Variants in C5 observed in about 807,000 individuals in gnomAD.
C5 encodes C3 and PZP-like alpha-2-macroglobulin domain-containing protein 4.
Under a neutral mutation model 218.8 loss-of-function variants are expected in C5, and 140 were observed. The ratio of observed to expected loss-of-function variants is 0.64; its 90% CI spans 0.56 to 0.74. The LOEUF is 0.74. C5 is among the 30% of genes least tolerant of loss of function. The probability of loss-of-function intolerance (pLI) is 0.00; values close to 1 mark genes in which losing one functional copy is unlikely to be tolerated. For synonymous variants in C5, 614 were observed against 682.3 expected (o/e 0.90, Z 1.56); for missense variants, 1,700 against 1,969.6 (o/e 0.86, Z 2.59).
At chr9:120,955,391 G>C (rs980516894) in intron 39 of C5, among the ~76,000 whole-genome samples, 1 of 152,082 alleles carries the variant, frequency 6.6e-6, no homozygotes, top group African/African-American at 2.4e-5. Context: ...GAAAAATTCA[G>C]AACAGTCTAA....
At chr9:121,002,280 A>ATATGTGTGTGTGTGTGTGTG (rs1564146611) in intron 20 of C5, among the ~76,000 whole-genome samples, 1 of 116,320 alleles carries the variant, frequency 8.6e-6, no homozygotes, top group Admixed American at 9.2e-5. Context: ...ATGTATATAT[A>ATATGTGTGTGTGTGTGTGTG]CGTATATATG....
chr9:121,048,797 C>T (rs1457642297), intron 1 of C5, among the ~76,000 whole-genome samples: 2 of 152,098 alleles, frequency 1.3e-5, no homozygotes, highest in African/African-American at 4.8e-5. Flanking sequence ...TTATTTTGGC[C>T]TCTATCTGGA....
intron 2 of C5, among the ~76,000 whole-genome samples, chr9:121,045,375 CTT>C (rs2047618476): frequency 6.6e-6 from 1 of 151,986 alleles, no homozygotes; most frequent in Non-Finnish European, 1.5e-5. Flanking sequence ...TATATACAAA[CTT>C]AAAACGGTAC....
At chr9:120,986,625 G>A (rs559678551) in intron 25 of C5, among the ~76,000 whole-genome samples, 2 of 152,124 alleles carry the variant, frequency 1.3e-5, no homozygotes, top group African/African-American at 4.8e-5. Context: ...CCTTCCTGTG[G>A]GGCTTTCTGC....
At chr9:120,978,444 T>G (rs922523040) in intron 28 of C5, among the ~76,000 whole-genome samples, 1 of 152,234 alleles carries the variant, frequency 6.6e-6, no homozygotes, top group Non-Finnish European at 1.5e-5. Flanking sequence ...GGAACAACTC[T>G]TGGATTATTA....
the C5 span, among the ~76,000 whole-genome samples, chr9:121,070,751 A>G: frequency 6.6e-6 from 1 of 151,962 alleles, no homozygotes; most frequent in African/African-American, 2.4e-5. Context: ...GGAAGGAGAG[A>G]AAGATATCTT....
rs2047284033 is a variant in C5, at chr9:121,013,907, A to G, written c.2223T>C (p.Asn741=). 9.3e-6 allele frequency: 15 copies of G among 1,614,078 alleles called. No homozygotes were observed. The highest frequency in any genetic ancestry group is 1.3e-5 in the Non-Finnish European group (15 of 1,180,034). The change falls in exon 17 of 41, where the codon AAT becomes AAC. Residue 741 remains asparagine, a synonymous_variant. Transcript: ENST00000223642. Reference sequence around the variant, plus strand: ...CCAATTGCATGTCTTTATGAGAGATATTAGCACGGAGCTGGCTTGCGACGA... The same window carrying G: ...CCAATTGCATGTCTTTATGAGAGATGTTAGCACGGAGCTGGCTTGCGACGA... The part of the protein sequence containing the change: ...CCVVASQLRA[N]ISHKDMQLGR...
chr9:121,040,845 T>G (rs1189657972), intron 3 of C5, among the ~76,000 whole-genome samples: 2 of 152,182 alleles, frequency 1.3e-5, no homozygotes, highest in African/African-American at 4.8e-5. Context: ...TTTAACCAAT[T>G]TACTTCACTA....
chr9:121,007,930 A>C (rs1216614124), intron 18 of C5, among the ~76,000 whole-genome samples: 1 of 152,212 alleles, frequency 6.6e-6, no homozygotes, highest in Admixed American at 6.5e-5. Flanking sequence ...CTCATTGGAA[A>C]ACCAGTGCTT....
At chr9:120,963,003 C>G (rs954549642) in intron 34 of C5, 36 bp from the exon 35 acceptor site, 3 of 1,525,918 alleles carry the variant, frequency 2.0e-6, no homozygotes. Context: ...AATTTCATTT[C>G]ATTATCTTTT....
chr9:121,073,365 T>C, the C5 span, among the ~76,000 whole-genome samples: 1 of 152,178 alleles, frequency 6.6e-6, no homozygotes, highest in African/African-American at 2.4e-5. Context: ...TAAACTCTTC[T>C]TTTGGGCGTA....
chr9:121,053,154 A>C (rs1226376637), upstream of C5, among the ~76,000 whole-genome samples: 1 of 152,200 alleles, frequency 6.6e-6, no homozygotes. Flanking sequence ...GGAGAAACAG[A>C]GGCGTCTCCT....
At chr9:121,045,845 TA>T (rs2047622027) in intron 2 of C5, among the ~76,000 whole-genome samples, 1 of 152,158 alleles carries the variant, frequency 6.6e-6, no homozygotes, top group Non-Finnish European at 1.5e-5. Flanking sequence ...GTACTACAGA[TA>T]AAATCATACT....
At chr9:121,053,158 G>A (rs192341661), upstream of C5, among the ~76,000 whole-genome samples, 7 of 152,122 alleles carry the variant, frequency 4.6e-5, no homozygotes, top group South Asian at 2.1e-4. Context: ...AAACAGAGGC[G>A]TCTCCTCAGA....
intron 17 of C5, among the ~76,000 whole-genome samples, chr9:121,010,679 C>A (rs1564150128): frequency 6.6e-6 from 1 of 152,064 alleles, no homozygotes; most frequent in Admixed American, 6.6e-5. Flanking sequence ...ATAGCCAAAG[C>A]AATCCCGAGC....
At chr9:120,968,932 G>T in intron 33 of C5, 129 bp downstream of exon 33, 1 of 787,976 alleles carries the variant, frequency 1.3e-6, no homozygotes. Flanking sequence ...TATATGTTCT[G>T]CATTTTTAAA....
chr9:120,979,866 G>T (rs889509797), intron 28 of C5: 6 of 514,128 alleles, frequency 1.2e-5, no homozygotes, highest in Admixed American at 9.0e-5. Flanking sequence ...GTGACAGAGC[G>T]AGAACCTGTC....
At chr9:121,055,845 G>C in the C5 span, among the ~76,000 whole-genome samples, 1 of 152,224 alleles carries the variant, frequency 6.6e-6, no homozygotes, top group Admixed American at 6.5e-5. Flanking sequence ...GGCCAGTAGA[G>C]TGTCTGCATC....
chr9:121,071,351 C>T, the C5 span, among the ~76,000 whole-genome samples: 1 of 151,318 alleles, frequency 6.6e-6, no homozygotes, highest in African/African-American at 2.4e-5. Flanking sequence ...AAAAACAAAA[C>T]ACACCAACAA....
Sources: allele counts gnomAD v4.1 joint callset (sites outside exome capture counted in the v4.1 genomes callset), GRCh38; gene constraint gnomAD v4.1.1; transcripts MANE v1.5; gene names NCBI Gene and HGNC (gene_info 2026-07-23, HGNC 2026-07-21).